The following CELF2 variants were observed in gnomAD, a reference collection of about 807,000 sequenced individuals.
CELF2 encodes the protein CUGBP Elav-like family member 2.
A neutral mutation model predicts 62.6 loss-of-function variants in CELF2; 8 were observed. That is an observed-to-expected ratio of 0.13 (90% confidence interval 0.07 to 0.23). The LOEUF is 0.23. CELF2 is among the 10% of genes least tolerant of loss of function. The pLI is 1.00. For missense variants in CELF2, 333 were observed against 671.0 expected, an observed-to-expected ratio of 0.50 and a Z score of 5.56; for synonymous variants, 258 against 250.0, an observed-to-expected ratio of 1.03 and a Z score of -0.30.
intron 2 of CELF2, among the ~76,000 whole-genome samples, chr10:10,927,658 G>T (rs2065661314): frequency 6.6e-6 from 1 of 152,120 alleles, no homozygotes; most frequent in African/African-American, 2.4e-5. Flanking sequence ...CAAACTCTGG[G>T]CCTCAAGCAC....
At chr10:11,204,801 G>A (rs1053531950) in intron 2 of CELF2, among the ~76,000 whole-genome samples, 4 of 152,210 alleles carry the variant, frequency 2.6e-5, no homozygotes, top group African/African-American at 7.2e-5. Context: ...CGTCCTCATC[G>A]CAGCGTTTAG....
At chr10:11,040,567 G>A (rs1054765898) in intron 1 of CELF2, among the ~76,000 whole-genome samples, 19 of 152,226 alleles carry the variant, frequency 1.2e-4, no homozygotes, top group South Asian at 8.3e-4. Context: ...CTGGTTGGTC[G>A]CTCTGTTTTT....
chr10:10,706,475 A>G, the CELF2 span, among the ~76,000 whole-genome samples: 1 of 152,242 alleles, frequency 6.6e-6, no homozygotes, highest in South Asian at 2.1e-4. Flanking sequence ...AACATCCTCC[A>G]CTTACAGTGT....
chr10:11,013,440 G>C (rs1393198765), upstream of CELF2, among the ~76,000 whole-genome samples: 1 of 152,194 alleles, frequency 6.6e-6, no homozygotes, highest in Non-Finnish European at 1.5e-5. This position sits in a 1 kb window ranked among gnomAD's most constrained non-coding sequence, Gnocchi z 4.1. Context: ...GACCACGCTA[G>C]TGGGGTCCCT....
chr10:10,751,713 G>T, the CELF2 span, among the ~76,000 whole-genome samples: 1 of 152,098 alleles, frequency 6.6e-6, no homozygotes, highest in Non-Finnish European at 1.5e-5. Flanking sequence ...AGTAGAGGTG[G>T]ATCAGCACAA....
At chr10:10,609,028 C>G in the CELF2 span, among the ~76,000 whole-genome samples, 3 of 152,184 alleles carry the variant, frequency 2.0e-5, no homozygotes, top group Admixed American at 2.0e-4. Context: ...AGCCTCCTTG[C>G]AAACGTAATC....
rs2083286614 is a variant in CELF2 at position 11,270,029 on chromosome 10, A to C, written c.619-637A>C. Among the ~76,000 whole-genome samples, 1 of 152,188 alleles carries C rather than the reference A, an allele frequency of 6.6e-6. No homozygotes were observed. Among genetic ancestry groups the C allele is most frequent in the Non-Finnish European group, 1.5e-5 (1 of 68,038 alleles). On this transcript the variant is annotated intron_variant, in intron 6 of 12. Coordinates refer to ENST00000633077, the MANE Select transcript of CELF2 (RefSeq NM_001326342.2). This position sits in a 1 kb window ranked among gnomAD's most constrained non-coding sequence, Gnocchi z 5.8. ...CGGGTAGCACAGGTGTGCTGAGGGAAGAGGCCTCTCTGAAAACGTGAACGG... is the reference window on the plus strand; with the variant it reads ...CGGGTAGCACAGGTGTGCTGAGGGACGAGGCCTCTCTGAAAACGTGAACGG...
At chr10:10,977,999 G>A (rs1040464142) in intron 2 of CELF2, among the ~76,000 whole-genome samples, 1 of 150,632 alleles carries the variant, frequency 6.6e-6, no homozygotes, top group African/African-American at 2.4e-5. Flanking sequence ...GAAGAAGGAA[G>A]GTATTTTGTG....
chr10:11,055,541 T>C lies in CELF2; in HGVS notation c.74+37378T>C, dbSNP rs11818037. On this transcript the variant is annotated intron_variant, in intron 1 of 12. Coordinates refer to ENST00000633077, the MANE Select transcript of CELF2 (RefSeq NM_001326342.2). ...ATCTTTCCTCATCCCTGTGCCCTCA[T>C]GCTTCATACACTTATGAGTGACTGG... Among the ~76,000 whole-genome samples, 757 of 152,374 alleles carry C rather than the reference T, an allele frequency of 5.0e-3. 7 individuals carry two copies. Among genetic ancestry groups the C allele is most frequent in the African/African-American group, 0.018 (736 of 41,586 alleles).
chr10:10,849,673 T>C (rs186193685), intron 1 of CELF2, among the ~76,000 whole-genome samples: 25 of 152,284 alleles, frequency 1.6e-4, no homozygotes, highest in Middle Eastern at 3.4e-3. Flanking sequence ...TAACATGTTA[T>C]GGTATTATGA....
intron 2 of CELF2, among the ~76,000 whole-genome samples, chr10:10,956,241 A>G (rs1032095025): frequency 6.6e-6 from 1 of 152,204 alleles, no homozygotes; most frequent in Non-Finnish European, 1.5e-5. Context: ...TAAGAAGTGA[A>G]AGAAAGAAGA....
intron 2 of CELF2, among the ~76,000 whole-genome samples, chr10:11,198,959 T>G (rs987019236): frequency 2.6e-5 from 4 of 152,166 alleles, no homozygotes; most frequent in Non-Finnish European, 5.9e-5. Flanking sequence ...TTCCAGTTAA[T>G]AGGGAAAACA....
the CELF2 span, among the ~76,000 whole-genome samples, chr10:10,569,430 TC>T: frequency 1.3e-5 from 2 of 152,258 alleles, no homozygotes; most frequent in South Asian, 4.1e-4. Context: ...GAGGAAACTG[TC>T]CTCATAATTT....
At chr10:10,513,420 G>C in the CELF2 span, among the ~76,000 whole-genome samples, 2 of 152,066 alleles carry the variant, frequency 1.3e-5, no homozygotes, top group East Asian at 3.9e-4. Context: ...CTATTTTAAG[G>C]CTTTTTAAAA....
At chr10:10,942,520 T>G (rs924884601) in intron 2 of CELF2, among the ~76,000 whole-genome samples, 1 of 152,212 alleles carries the variant, frequency 6.6e-6, no homozygotes, top group South Asian at 2.1e-4. Flanking sequence ...GGAAGCTGGC[T>G]TCCATTGTAA....
chr10:10,497,630 C>G, the CELF2 span, among the ~76,000 whole-genome samples: 1 of 152,036 alleles, frequency 6.6e-6, no homozygotes, highest in African/African-American at 2.4e-5. Context: ...AGGAGCCGGC[C>G]ACACCGCTGT....
At chr10:10,473,916 AG>A in the CELF2 span, among the ~76,000 whole-genome samples, 83 of 152,204 alleles carry the variant, frequency 5.5e-4, no homozygotes, top group African/African-American at 1.9e-3. Flanking sequence ...ACAGTGAAAA[AG>A]TTCAACATCT....
At chr10:10,703,793 G>A in the CELF2 span, among the ~76,000 whole-genome samples, 1 of 152,178 alleles carries the variant, frequency 6.6e-6, no homozygotes, top group Non-Finnish European at 1.5e-5. Flanking sequence ...ACAAAAACAT[G>A]TAGCATTTTC....
chr10:11,217,573 T>TTCTAGTTATGGGC lies in CELF2; in HGVS notation c.354+70_354+82dup. On this transcript the variant is annotated intron_variant, in intron 3 of 12. Coordinates refer to ENST00000633077, the MANE Select transcript of CELF2 (RefSeq NM_001326342.2). The surrounding 1 kb of genome is among the most constrained non-coding windows in gnomAD (Gnocchi z 5.6). Reference sequence around the variant, plus strand: ...TGAAAATGGTCCTTTCAACTGAAGGTTCTAGTTATGGGCTCTTAGTGCCAA... The same window carrying TTCTAGTTATGGGC: ...TGAAAATGGTCCTTTCAACTGAAGGTTCTAGTTATGGGCTCTAGTTATGGGCTCTTAGTGCCAA... The TTCTAGTTATGGGC allele has an allele frequency of 8.0e-7, 1 of 1,251,616 alleles. No homozygotes were observed. The highest frequency in any genetic ancestry group is 1.2e-6 in the Non-Finnish European group (1 of 863,214). 77.5% of individuals were successfully genotyped at this position (1,251,616 alleles called of 1,614,324 possible).
Sources: allele counts gnomAD v4.1 joint callset (sites outside exome capture counted in the v4.1 genomes callset), GRCh38; gene constraint gnomAD v4.1.1; non-coding constraint Gnocchi (gnomAD v3.1); transcripts MANE v1.5; gene names NCBI Gene and HGNC (gene_info 2026-07-23, HGNC 2026-07-21).